Variants in PTPRT observed in about 807,000 individuals in gnomAD.
The protein encoded by PTPRT is protein tyrosine phosphatase receptor type T.
Under a neutral mutation model 176.8 loss-of-function variants are expected in PTPRT, and 56 were observed. That is an observed-to-expected ratio of 0.32 (90% CI 0.26 to 0.40). PTPRT has a LOEUF of 0.40. PTPRT is among the 10% of genes least tolerant of loss of function. PTPRT has a pLI of 1.00. For missense variants in PTPRT, 1,540 were observed against 1,908.2 expected, an observed-to-expected ratio of 0.81 and a Z score of 3.60; for synonymous variants, 783 against 739.0, an observed-to-expected ratio of 1.06 and a Z score of -0.96.
intron 16 of PTPRT, among the ~76,000 whole-genome samples, chr20:42,183,609 C>T (rs6093586): frequency 0.027 from 4,104 of 152,282 alleles, 182 homozygotes; most frequent in African/African-American, 0.092. Context: ...GCCAAGTAGA[C>T]TTTCCCACCT....
intron 2 of PTPRT, among the ~76,000 whole-genome samples, chr20:42,832,298 G>A (rs1401815632): frequency 6.6e-6 from 1 of 152,184 alleles, no homozygotes; most frequent in Non-Finnish European, 1.5e-5. Flanking sequence ...TTATAAGTGG[G>A]AGCTAAATGA....
At chr20:42,414,981 A>C (rs2059051983) in intron 9 of PTPRT, among the ~76,000 whole-genome samples, 1 of 152,218 alleles carries the variant, frequency 6.6e-6, no homozygotes, top group African/African-American at 2.4e-5. Context: ...GTATTGGAAA[A>C]GTACAGAAGG....
intron 27 of PTPRT, among the ~76,000 whole-genome samples, chr20:42,093,850 T>C (rs1472405544): frequency 2.0e-5 from 3 of 152,240 alleles, no homozygotes; most frequent in Non-Finnish European, 4.4e-5. Context: ...TGTGTCATTG[T>C]TTATTTTCAT....
chr20:43,175,521 C>T (rs190181219), intron 1 of PTPRT, among the ~76,000 whole-genome samples: 27 of 152,098 alleles, frequency 1.8e-4, no homozygotes, highest in Admixed American at 5.2e-4. Context: ...GCACTCCAGC[C>T]GGGCAACAGA....
At chr20:42,778,938 G>A (rs1196823588) in intron 4 of PTPRT, among the ~76,000 whole-genome samples, 4 of 152,176 alleles carry the variant, frequency 2.6e-5, no homozygotes, top group Non-Finnish European at 5.9e-5. Flanking sequence ...TTCAGCCAGT[G>A]CAAAGAAGAG....
intron 7 of PTPRT, among the ~76,000 whole-genome samples, chr20:42,479,195 T>C (rs1300806325): frequency 6.6e-6 from 1 of 152,238 alleles, no homozygotes; most frequent in East Asian, 1.9e-4. Flanking sequence ...GATTTTCAAT[T>C]CATGAATTTG....
intron 6 of PTPRT, among the ~76,000 whole-genome samples, chr20:42,717,242 T>C (rs1301209883): frequency 1.3e-5 from 2 of 151,242 alleles, no homozygotes; most frequent in East Asian, 3.9e-4. Flanking sequence ...CTTACATGGA[T>C]TTCAAGACTT....
In PTPRT at chr20:42,210,099, C is replaced by G. The variant is rs894630342; in HGVS notation, c.2343-10711G>C. Among the ~76,000 whole-genome samples the G allele has an allele frequency of 5.2e-3, 797 of 152,188 alleles. 6 individuals are homozygous for G. The highest frequency in any genetic ancestry group is 0.018 in the African/African-American group (754 of 41,534). On this transcript the variant is annotated intron_variant, in intron 15 of 30. Transcript: ENST00000373187. The stretch of plus-strand genomic sequence containing the variant: ...AAAGCCTTTGACAAAATTCAACAAC[C>G]CTTCATGCTAAAAACTCTCAATAAA...
At chr20:42,482,733 A>G (rs2071408251) in intron 7 of PTPRT, among the ~76,000 whole-genome samples, 1 of 152,208 alleles carries the variant, frequency 6.6e-6, no homozygotes, top group African/African-American at 2.4e-5. Context: ...AGGCCTTGGC[A>G]TCAGCTCCTT....
intron 12 of PTPRT, among the ~76,000 whole-genome samples, chr20:42,284,065 A>C (rs1368644901): frequency 6.6e-6 from 1 of 152,098 alleles, no homozygotes; most frequent in Non-Finnish European, 1.5e-5. Context: ...TCAATTCCTC[A>C]TATTATAAGA....
chr20:42,138,018 T>C (rs1266744006), intron 18 of PTPRT, among the ~76,000 whole-genome samples: 2 of 152,244 alleles, frequency 1.3e-5, no homozygotes, highest in African/African-American at 4.8e-5. Context: ...ATGGCCAAGA[T>C]TGGACATTCT....
In PTPRT at chr20:42,077,908, C is replaced by G. The variant is rs973195040; in HGVS notation, c.*2971G>C. ...AGCCACTGTCTTTTGTATCTGCCAG[C>G]TATTTCACCCCTTCCTGAGCAGAAA... is the stretch of plus-strand genomic sequence containing the variant. On this transcript the variant is annotated 3_prime_UTR_variant, in exon 31 of 31. Transcript: ENST00000373187. 1 of 204,820 alleles carries G rather than the reference C, an allele frequency of 4.9e-6. No individual in the cohort carries two copies. Among genetic ancestry groups the G allele is most frequent in the African/African-American group, 2.3e-5 (1 of 43,664 alleles). The allele number at this position is 204,820 out of a possible 1,614,324, so 12.7% of individuals were successfully genotyped here.
chr20:42,921,952 T>C (rs532164539), intron 1 of PTPRT, among the ~76,000 whole-genome samples: 3 of 152,296 alleles, frequency 2.0e-5, no homozygotes, highest in African/African-American at 7.2e-5. Flanking sequence ...ACCTACTCTT[T>C]TGAGATGGAG....
At chr20:42,474,497 T>G (rs902478077) in intron 7 of PTPRT, among the ~76,000 whole-genome samples, 2 of 152,168 alleles carry the variant, frequency 1.3e-5, no homozygotes, top group African/African-American at 4.8e-5. Context: ...GAGGAATTCA[T>G]GATCACTCTT....
chr20:42,287,694 A>G (rs2057253830), intron 12 of PTPRT, among the ~76,000 whole-genome samples: 2 of 151,892 alleles, frequency 1.3e-5, no homozygotes, highest in Admixed American at 1.3e-4. Context: ...CAAAATATAT[A>G]GTTTCAAATA....
At chr20:42,272,444 C>T (rs1167061320) in intron 13 of PTPRT, among the ~76,000 whole-genome samples, 1 of 151,864 alleles carries the variant, frequency 6.6e-6, no homozygotes, top group Non-Finnish European at 1.5e-5. Context: ...ATAGGCAAGA[C>T]AAAGACTGTC....
the PTPRT span, among the ~76,000 whole-genome samples, chr20:42,033,576 C>T: frequency 2.3e-4 from 35 of 152,216 alleles, no homozygotes; most frequent in African/African-American, 7.9e-4. Flanking sequence ...TTGTAGCCTA[C>T]AGAGGGTTAT....
At chr20:42,762,632 C>A (rs2076930720) in intron 5 of PTPRT, among the ~76,000 whole-genome samples, 1 of 152,332 alleles carries the variant, frequency 6.6e-6, no homozygotes, top group East Asian at 1.9e-4. Context: ...TACTGAGCCC[C>A]CTTGGAGGGA....
intron 1 of PTPRT, among the ~76,000 whole-genome samples, chr20:43,034,857 G>C (rs1472666632): frequency 6.6e-6 from 1 of 151,898 alleles, no homozygotes; most frequent in Non-Finnish European, 1.5e-5. Flanking sequence ...TTACTTGCTG[G>C]AGAGGGGGGT....
Sources: gnomAD v4.1 joint callset for allele counts (sites outside exome capture counted in the v4.1 genomes callset) on GRCh38, gnomAD v4.1.1 for gene constraint, MANE v1.5 for transcripts, NCBI Gene and HGNC (gene_info 2026-07-23, HGNC 2026-07-21) for gene names.